SMG6: variants seen among roughly 807,000 people sequenced by gnomAD.
SMG6 encodes SMG6 nonsense mediated mRNA decay factor.
Under a neutral mutation model 142.2 loss-of-function variants are expected in SMG6, and 66 were observed. The observed-to-expected ratio is 0.46, with a 90% CI of 0.38 to 0.57. The LOEUF (loss-of-function observed/expected upper bound fraction) is 0.57. SMG6 is among the 20% of genes least tolerant of loss of function. The probability of loss-of-function intolerance (pLI) is 0.00; values close to 1 mark genes in which losing one functional copy is unlikely to be tolerated. For synonymous variants in SMG6, 779 were observed against 702.4 expected (o/e 1.11, Z -1.72); for missense variants, 1,793 against 1,832.0 (o/e 0.98, Z 0.39).
chr17:2,295,892 G>A (rs1243168213), intron 4 of SMG6, among the ~76,000 whole-genome samples: 1 of 152,110 alleles, frequency 6.6e-6, no homozygotes, highest in Non-Finnish European at 1.5e-5. Flanking sequence ...GACTCTTCAT[G>A]CCTCCAATCT....
At chr17:2,135,996 A>ATG (rs545225787) in intron 13 of SMG6, among the ~76,000 whole-genome samples, 15,734 of 141,044 alleles carry the variant, frequency 0.11, 914 homozygotes, top group South Asian at 0.12. Flanking sequence ...ATATATATTT[A>ATG]TGTGTGTGTG....
At chr17:2,113,112 C>T (rs1206307309) in intron 13 of SMG6, among the ~76,000 whole-genome samples, 1 of 152,052 alleles carries the variant, frequency 6.6e-6, no homozygotes, top group African/African-American at 2.4e-5. Flanking sequence ...GGCTGGAGTG[C>T]AGTGGCATGA....
intron 6 of SMG6, among the ~76,000 whole-genome samples, chr17:2,292,115 AAG>A (rs766538978): frequency 5.3e-5 from 8 of 152,188 alleles, no homozygotes; most frequent in Non-Finnish European, 1.2e-4. Context: ...AAAAAGTTAA[AAG>A]AAGTAACAGG....
intron 10 of SMG6, among the ~76,000 whole-genome samples, chr17:2,231,917 C>T (rs1262557070): frequency 6.6e-6 from 1 of 152,020 alleles, no homozygotes; most frequent in East Asian, 1.9e-4. Flanking sequence ...ACAGAGGGAG[C>T]CAGGGCACAG....
At chr17:2,137,946 G>A (rs184806257) in intron 13 of SMG6, among the ~76,000 whole-genome samples, 1 of 152,228 alleles carries the variant, frequency 6.6e-6, no homozygotes, top group Non-Finnish European at 1.5e-5. Context: ...GCCCTCATAA[G>A]ACATGAGCAC....
At chr17:2,184,890 A>G (rs1480186733) in intron 12 of SMG6, among the ~76,000 whole-genome samples, 1 of 138,890 alleles carries the variant, frequency 7.2e-6, no homozygotes, top group Non-Finnish European at 1.5e-5. Context: ...GCTTGAACTC[A>G]GGAGACAGAG....
chr17:2,095,428 C>T (rs767154619), intron 13 of SMG6, among the ~76,000 whole-genome samples: 3 of 152,176 alleles, frequency 2.0e-5, no homozygotes, highest in African/African-American at 4.8e-5. Flanking sequence ...AGTGGACTCT[C>T]GGAGACATCT....
In SMG6 at chr17:2,303,641, C is replaced by G; in HGVS notation, c.80G>C (p.Gly27Ala). 6.7e-7 allele frequency: 1 copy of G among 1,486,060 alleles called. No homozygotes were observed. Among genetic ancestry groups the G allele is most frequent in the Non-Finnish European group, 8.9e-7 (1 of 1,124,924 alleles). The allele number at this position is 1,486,060 out of a possible 1,614,324, so 92.1% of individuals were successfully genotyped here. The part of the protein sequence containing the change: ...GILATLAPQA[G>A]SRENMKELKE... ...TGGGCGGCGCGACTCACCTCTGCTC[C>G]CGGCCTGCGGGGCCAGAGTAGCCAG... Residue 27 changes from glycine (G) to alanine (A), a missense_variant, in exon 1 of 19, where the codon GGG (glycine) becomes GCG (alanine). By Grantham distance (60) the Gly-to-Ala change is moderately conservative. This residue lies in a region of SMG6 where 1,597 missense variants were observed against 1,584.6 expected (regional missense o/e 1.01). Transcript: ENST00000263073.
At chr17:2,133,472 G>C (rs951497291) in intron 13 of SMG6, among the ~76,000 whole-genome samples, 2 of 152,114 alleles carry the variant, frequency 1.3e-5, no homozygotes, top group African/African-American at 4.8e-5. Context: ...GAGTTTGCTA[G>C]TTACCTCCCA....
At chr17:2,261,912 A>G (rs1290425278) in intron 8 of SMG6, among the ~76,000 whole-genome samples, 1 of 152,236 alleles carries the variant, frequency 6.6e-6, no homozygotes, top group East Asian at 1.9e-4. Flanking sequence ...AGATCTGTCC[A>G]GAAGTCTAAA....
intron 12 of SMG6, among the ~76,000 whole-genome samples, chr17:2,174,119 C>T (rs2071588993): frequency 2.0e-5 from 3 of 152,126 alleles, no homozygotes; most frequent in Admixed American, 1.3e-4. Flanking sequence ...TCATCCTGGG[C>T]GGGGTGTGGT....
chr17:2,258,977 C>T (rs1161909518), intron 8 of SMG6, among the ~76,000 whole-genome samples: 3 of 151,824 alleles, frequency 2.0e-5, no homozygotes, highest in African/African-American at 7.3e-5. Context: ...AGTTGGGAGG[C>T]TGAGGTAGGA....
At chr17:2,087,306 A>C in intron 13 of SMG6, 1 of 1,239,030 alleles carries the variant, frequency 8.1e-7, no homozygotes, top group Non-Finnish European at 1.0e-6. Flanking sequence ...TCTCTAAGAC[A>C]GTGGAAATAA....
At chr17:2,265,751 G>C (rs2074410917) in intron 8 of SMG6, among the ~76,000 whole-genome samples, 1 of 152,148 alleles carries the variant, frequency 6.6e-6, no homozygotes, top group South Asian at 2.1e-4. Flanking sequence ...TTAGCTCATA[G>C]GCCACTGGCA....
intron 18 of SMG6, 73 bp from the exon 19 acceptor site, chr17:2,061,695 G>C: frequency 6.6e-7 from 1 of 1,504,176 alleles, no homozygotes; most frequent in South Asian, 1.2e-5. Flanking sequence ...TCTCACCCTG[G>C]AGAATGTGGT....
chr17:2,182,715 A>G (rs961042492), intron 12 of SMG6, among the ~76,000 whole-genome samples: 6 of 152,116 alleles, frequency 3.9e-5, no homozygotes, highest in African/African-American at 1.4e-4. Flanking sequence ...CAGGGTCTCC[A>G]TAATCTATCC....
At chr17:2,077,013 T>G (rs2068278392) in intron 15 of SMG6, among the ~76,000 whole-genome samples, 1 of 152,204 alleles carries the variant, frequency 6.6e-6, no homozygotes, top group Non-Finnish European at 1.5e-5. Context: ...GAGGCAAAGC[T>G]AAACACCAAG....
chr17:2,159,867 G>C (rs763173673), intron 13 of SMG6, among the ~76,000 whole-genome samples: 5 of 152,160 alleles, frequency 3.3e-5, no homozygotes, highest in Admixed American at 1.3e-4. Context: ...GCCCAATATG[G>C]ATGAATCTCA....
chr17:2,244,541 C>T, intron 9 of SMG6, 117 bp downstream of exon 9: 1 of 717,628 alleles, frequency 1.4e-6, no homozygotes, highest in Non-Finnish European at 2.5e-6. Flanking sequence ...AAGGTGGAGG[C>T]CTCTAAGAAT....
Sources: allele counts gnomAD v4.1 joint callset (sites outside exome capture counted in the v4.1 genomes callset), GRCh38; gene constraint gnomAD v4.1.1; regional missense constraint gnomAD v4.1.1; transcripts MANE v1.5; gene names NCBI Gene and HGNC (gene_info 2026-07-23, HGNC 2026-07-21).